The following COL4A5 variants were observed in gnomAD, a reference collection of about 807,000 sequenced individuals.
COL4A5 encodes the protein collagen alpha-5(IV) chain.
A neutral mutation model predicts 130.2 loss-of-function variants in COL4A5; 26 were observed. The ratio of observed to expected loss-of-function variants is 0.20; its 90% CI spans 0.15 to 0.28. The LOEUF (loss-of-function observed/expected upper bound fraction) is 0.28. COL4A5 is among the 10% of genes least tolerant of loss of function. The pLI, the probability that COL4A5 is intolerant of heterozygous loss-of-function variation, is 1.00. For synonymous variants in COL4A5, 496 were observed against 439.6 expected, an observed-to-expected ratio of 1.13 and a Z score of -1.60; for missense variants, 1,131 against 1,344.3, an observed-to-expected ratio of 0.84 and a Z score of 2.48.
At chrX:108,611,033 T>G (rs1271582055) in intron 29 of COL4A5, among the ~76,000 whole-genome samples, 1 of 110,921 alleles carries the variant, frequency 9.0e-6, no homozygotes, top group African/African-American at 3.3e-5. Context: ...ATCAGTAGAC[T>G]ACACTCAAAA....
chrX:108,546,060 C>G (rs888614962), intron 2 of COL4A5, among the ~76,000 whole-genome samples: 6 of 111,912 alleles, frequency 5.4e-5, no homozygotes, highest in South Asian at 7.5e-4. Context: ...CACTCTTTAT[C>G]CAATTTGCCA....
chrX:108,580,827 G>A, intron 15 of COL4A5, 89 bp downstream of exon 15: 1 of 993,040 alleles, frequency 1.0e-6, no homozygotes, highest in Non-Finnish European at 1.4e-6. Context: ...ATCTTCCATT[G>A]TTTCAAAATA....
intron 1 of COL4A5, among the ~76,000 whole-genome samples, chrX:108,502,188 A>G (rs2065085304): frequency 8.9e-6 from 1 of 112,713 alleles, no homozygotes; most frequent in Non-Finnish European, 1.9e-5. Flanking sequence ...CCAGGTGAAC[A>G]TTATAGTTCT....
At chrX:108,487,513 A>G (rs755874203) in intron 1 of COL4A5, among the ~76,000 whole-genome samples, 1 of 110,173 alleles carries the variant, frequency 9.1e-6, no homozygotes, top group South Asian at 3.9e-4. Context: ...ATGGTATCAC[A>G]TGGTGGTTTT....
intron 1 of COL4A5, among the ~76,000 whole-genome samples, chrX:108,530,771 G>T (rs1234771701): frequency 2.9e-5 from 3 of 102,007 alleles, no homozygotes; most frequent in African/African-American, 1.1e-4. Flanking sequence ...CTGTAAACTA[G>T]TTCAACCATT....
chrX:108,637,488 G>T (rs1457373373), intron 36 of COL4A5, among the ~76,000 whole-genome samples: 1 of 111,498 alleles, frequency 9.0e-6, no homozygotes, highest in African/African-American at 3.3e-5. Context: ...AATCATAGAT[G>T]AAGTCAACAA....
At chrX:108,501,936 A>C (rs1351748202) in intron 1 of COL4A5, among the ~76,000 whole-genome samples, 1 of 111,615 alleles carries the variant, frequency 9.0e-6, no homozygotes, top group Non-Finnish European at 1.9e-5. Flanking sequence ...ATGGACTCTT[A>C]TGGTGGAGCA....
chrX:108,640,459 A>T (rs2067440551), intron 36 of COL4A5, among the ~76,000 whole-genome samples: 1 of 111,240 alleles, frequency 9.0e-6, no homozygotes, highest in South Asian at 3.8e-4. Flanking sequence ...AACTCTAGGG[A>T]TCAAATGTAC....
intron 1 of COL4A5, among the ~76,000 whole-genome samples, chrX:108,460,486 TTTTG>T (rs1181757854): frequency 4.7e-5 from 5 of 107,220 alleles, no homozygotes; most frequent in South Asian, 4.2e-4. Flanking sequence ...TTCCTAGGGT[TTTTG>T]TTTGTTTGTT....
chrX:108,531,769 C>G (rs1179393838), intron 1 of COL4A5, among the ~76,000 whole-genome samples: 1 of 111,414 alleles, frequency 9.0e-6, no homozygotes, highest in East Asian at 2.8e-4. Context: ...CAATTGATAT[C>G]ACAAAAATAC....
intron 24 of COL4A5, among the ~76,000 whole-genome samples, chrX:108,598,106 A>C (rs1368396797): frequency 9.0e-6 from 1 of 110,502 alleles, no homozygotes; most frequent in Non-Finnish European, 1.9e-5. Context: ...CAGGAGAATC[A>C]CTTGAACCCG....
In COL4A5 at chrX:108,452,407, G is replaced by A. The variant is rs367559222; in HGVS notation, c.81+12201G>A. On this transcript the variant is annotated intron_variant, in intron 1 of 52. Transcript: ENST00000328300. ...GGGGATGGCATTGAATCTATAAATT[G>A]CCTTGGGCAGTATGGCCATTTTCAC... Among the ~76,000 whole-genome samples, 122 of 111,632 alleles carry A rather than the reference G, an allele frequency of 1.1e-3. 4 individuals carry two copies. The East Asian group carries it at 0.033, about 30-fold the overall frequency.
chrX:108,543,519 T>G (rs765517142), intron 2 of COL4A5, among the ~76,000 whole-genome samples: 14 of 111,349 alleles, frequency 1.3e-4, no homozygotes, highest in Admixed American at 2.9e-4. Context: ...AGCCTTGTAG[T>G]ATAGTTTGAA....
At chrX:108,674,388 G>T in intron 42 of COL4A5, 1 of 155,404 alleles carries the variant, frequency 6.4e-6, no homozygotes, top group Non-Finnish European at 1.2e-5. Flanking sequence ...GGCTGTTGGT[G>T]AAATGGTACT....
chrX:108,667,097 T>A (rs371309548), intron 39 of COL4A5, 36 bp from the exon 40 acceptor site: 23 of 1,193,943 alleles, frequency 1.9e-5, no homozygotes, highest in Non-Finnish European at 2.4e-5. Flanking sequence ...ATTATCCACT[T>A]GAGTTTTTGT....
chrX:108,689,323 T>C, intron 49 of COL4A5: 1 of 749,022 alleles, frequency 1.3e-6, no homozygotes, highest in Non-Finnish European at 1.6e-6. Flanking sequence ...GTCAGACTTA[T>C]AATCAAACTT....
chrX:108,601,696 A>C (rs963783374), intron 26 of COL4A5, among the ~76,000 whole-genome samples, 189 bp from the exon 27 acceptor site: 14 of 109,371 alleles, frequency 1.3e-4, no homozygotes, highest in Admixed American at 2.9e-4. Flanking sequence ...ACGCCCAGTT[A>C]ATTTTTGTAT....
intron 28 of COL4A5, 108 bp downstream of exon 28, chrX:108,603,169 C>T: frequency 2.4e-6 from 1 of 414,944 alleles, no homozygotes; most frequent in Non-Finnish European, 4.3e-6. Context: ...CAAGTCTTTA[C>T]TATAAATATA....
intron 36 of COL4A5, among the ~76,000 whole-genome samples, chrX:108,645,806 C>T (rs2067571636): frequency 9.6e-6 from 1 of 103,814 alleles, no homozygotes; most frequent in South Asian, 4.8e-4. Flanking sequence ...GTTCAACTCC[C>T]ACCCATGAAT....
Sources: allele counts gnomAD v4.1 joint callset (sites outside exome capture counted in the v4.1 genomes callset), GRCh38; gene constraint gnomAD v4.1.1; transcripts MANE v1.5; gene names NCBI Gene and HGNC (gene_info 2026-07-23, HGNC 2026-07-21).